Variants in ARMC12 observed in about 807,000 individuals in gnomAD.
ARMC12 encodes the protein armadillo repeat containing 12, also known as armadillo repeat-containing protein 12.
Under a neutral mutation model 37.4 loss-of-function variants are expected in ARMC12, and 25 were observed. That is an observed-to-expected ratio of 0.67 (90% confidence interval 0.49 to 0.93). The LOEUF (loss-of-function observed/expected upper bound fraction) is 0.93. Ranked by LOEUF, ARMC12 falls within the 40% of genes least tolerant of loss-of-function variation. The pLI, the probability that ARMC12 is intolerant of heterozygous loss-of-function variation, is 0.00. For synonymous variants in ARMC12, 167 were observed against 176.1 expected, an observed-to-expected ratio of 0.95 and a Z score of 0.41; for missense variants, 384 against 426.6, an observed-to-expected ratio of 0.90 and a Z score of 0.88.
At chr6:35,733,303 C>CTGCCCACGCCCCACATGT (rs1766878555), upstream of ARMC12, among the ~76,000 whole-genome samples, 1 of 152,242 alleles carries the variant, frequency 6.6e-6, no homozygotes. Flanking sequence ...TTCTCACTGC[C>CTGCCCACGCCCCACATGT]TGCCCACGCC....
chr6:35,746,386 G>T (rs536493828), intron 3 of ARMC12, among the ~76,000 whole-genome samples: 7 of 152,256 alleles, frequency 4.6e-5, no homozygotes, highest in African/African-American at 1.4e-4. Context: ...GAGAAGAGAA[G>T]ATGGAGTCCA....
Position 35,747,299 on chromosome 6 carries a change from C to A in ARMC12, c.483C>A (p.Ile161=). 1 of 1,613,248 alleles carries A rather than the reference C, an allele frequency of 6.2e-7. No individual in the cohort carries two copies. The highest frequency in any genetic ancestry group is 8.5e-7 in the Non-Finnish European group (1 of 1,180,014). The change falls in exon 4 of 6, where the codon ATC becomes ATA. Residue 161 remains isoleucine (I), a synonymous_variant. Transcript: ENST00000373866. ...AAGTACTCGAACTGATCTCCACCAT[C>A]TGGGACACGGAACTGCACATTGCGG... The part of the protein sequence containing the change: ...SIKVLELIST[I]WDTELHIAGL...
chr6:35,738,540 G>A (rs749701087), intron 3 of ARMC12, 22 bp downstream of exon 3: 3 of 1,613,566 alleles, frequency 1.9e-6, no homozygotes, highest in Non-Finnish European at 2.5e-6. Context: ...GATGCGTGGT[G>A]GGGCATGCAG....
chr6:35,738,288 G>GGGC (rs1554141444), intron 2 of ARMC12, 96 bp from the exon 3 acceptor site: 22 of 1,400,880 alleles, frequency 1.6e-5, no homozygotes, highest in Admixed American at 1.2e-4. Context: ...GATAGCGGTG[G>GGGC]GGGGGGGGTG....
chr6:35,748,303 T>A lies in ARMC12; in HGVS notation c.691-235T>A, dbSNP rs559714563. ...AAGAAAATTAGTCACACACTAAGCC[T>A]TAAAATTTGTCTCAACAAAATTTCC... On this transcript the variant is annotated intron_variant, in intron 5 of 5. Transcript: ENST00000373866. Among the ~76,000 whole-genome samples, 10 of 152,360 alleles carry A rather than the reference T, an allele frequency of 6.6e-5. No individual in the cohort carries two copies. In the East Asian group the frequency reaches 1.9e-3, roughly 29 times the overall value.
intron 3 of ARMC12, among the ~76,000 whole-genome samples, chr6:35,743,945 C>CAAAAAAA (rs575151896): frequency 2.3e-5 from 2 of 88,784 alleles, no homozygotes; most frequent in African/African-American, 4.2e-5. Context: ...GACTCCATCT[C>CAAAAAAA]AAAAAAAAAA....
In ARMC12 at chr6:35,737,885, A is replaced by G. The variant is rs959457317; in HGVS notation, c.164-142A>G. ...GCAGTAAACATTCGTTCAACTGTAC[A>G]TGGTGGTCCTGCATATGGCGAGAAG... On this transcript the variant is annotated intron_variant, in intron 1 of 5. Transcript: ENST00000373866. The G allele has an allele frequency of 8.7e-5, 95 of 1,092,654 alleles. 1 individual carries two copies. The South Asian group carries it at 1.1e-3, about 13-fold the overall frequency. The allele number at this position is 1,092,654 out of a possible 1,614,324, so 67.7% of individuals were successfully genotyped here. A position where few individuals can be genotyped will look rare whatever the true frequency, so the allele number is the denominator to read the frequency against.
chr6:35,737,429 C>A, intron 1 of ARMC12, 158 bp downstream of exon 1: 1 of 1,583,412 alleles, frequency 6.3e-7, no homozygotes, highest in South Asian at 1.1e-5. Flanking sequence ...GCGTCCTAGG[C>A]AAGGCCCTGC....
chr6:35,735,182 G>A (rs1340016802), upstream of ARMC12: 1 of 152,298 alleles, frequency 6.6e-6, no homozygotes, highest in African/African-American at 2.4e-5. The surrounding 1 kb of genome is among the most constrained non-coding windows in gnomAD (Gnocchi z 4.0). Flanking sequence ...ACCTTGTCTT[G>A]AGGGATTTAT....
upstream of ARMC12, among the ~76,000 whole-genome samples, chr6:35,733,606 T>G (rs1385365871): frequency 6.6e-6 from 1 of 152,138 alleles, no homozygotes; most frequent in Non-Finnish European, 1.5e-5. Context: ...CCTCCCGGGT[T>G]CAAGCAATTT....
upstream of ARMC12, chr6:35,736,902 G>A (rs368577942): frequency 1.3e-5 from 9 of 697,416 alleles, no homozygotes; most frequent in East Asian, 5.6e-5. Context: ...GGGCCATGGT[G>A]CCTGGCCCCA....
upstream of ARMC12, chr6:35,736,866 TC>T (rs552157632): frequency 1.9e-3 from 1,060 of 565,982 alleles, 4 homozygotes; most frequent in African/African-American, 4.9e-3. Context: ...TGCCTTGGCC[TC>T]CCAAAGTGCT....
intron 5 of ARMC12, 37 bp from the exon 6 acceptor site, chr6:35,748,501 G>A: frequency 7.0e-7 from 1 of 1,418,786 alleles, no homozygotes; most frequent in Non-Finnish European, 9.3e-7. Context: ...AACTTGCCTA[G>A]GAGTTTATTC....
Position 35,738,117 on chromosome 6 carries a change from C to T in ARMC12, c.254C>T (p.Ala85Val). The change falls in exon 2 of 6, where the codon GCC (alanine) becomes GTC (valine). Residue 85 changes from alanine to valine, a missense_variant. Transcript: ENST00000373866. Reference protein sequence around the residue: ...NSLECKQDEYAKSMILHSITR... With the variant: ...NSLECKQDEYVKSMILHSITR... Reference sequence around the variant, plus strand: ...TTGGAGTGCAAACAGGATGAGTATGCCAAGAGCATGATCCTGCACAGTATC... The same window carrying T: ...TTGGAGTGCAAACAGGATGAGTATGTCAAGAGCATGATCCTGCACAGTATC... The T allele has an allele frequency of 6.2e-7, 1 of 1,613,984 alleles. No individual in the cohort carries two copies. Among genetic ancestry groups the T allele is most frequent in the Non-Finnish European group, 8.5e-7 (1 of 1,180,032 alleles).
Sources: gnomAD v4.1 joint callset for allele counts (sites outside exome capture counted in the v4.1 genomes callset) on GRCh38, gnomAD v4.1.1 for gene constraint, Gnocchi (gnomAD v3.1) non-coding constraint, MANE v1.5 for transcripts, NCBI Gene and HGNC (gene_info 2026-07-23, HGNC 2026-07-21) for gene names.